Variants in KCNG2 observed in about 807,000 individuals in gnomAD.
KCNG2 encodes the protein potassium voltage-gated channel modifier subfamily G member 2, also known as voltage-gated potassium channel regulatory subunit KCNG2.
A neutral mutation model predicts 12.3 loss-of-function variants in KCNG2; 7 were observed. The ratio of observed to expected loss-of-function variants is 0.57; its 90% CI spans 0.32 to 1.07. The LOEUF (loss-of-function observed/expected upper bound fraction) is 1.07. Ranked by LOEUF, KCNG2 falls within the 50% of genes least tolerant of loss-of-function variation. The pLI is 0.04. For missense variants in KCNG2, 703 were observed against 726.0 expected (o/e 0.97, Z 0.36); for synonymous variants, 414 against 351.4 (o/e 1.18, Z -1.99).
intron 1 of KCNG2, among the ~76,000 whole-genome samples, chr18:79,839,948 A>G (rs1978410386): frequency 2.0e-5 from 3 of 152,232 alleles, no homozygotes; most frequent in African/African-American, 7.2e-5. Context: ...TTCTCAGAAT[A>G]TAGGAATCAA....
intron 3 of KCNG2, among the ~76,000 whole-genome samples, chr18:79,865,266 TGAGGTCTGTGTGCTGA>T (rs1568261893): frequency 4.1e-5 from 5 of 121,564 alleles, no homozygotes; most frequent in Non-Finnish European, 6.7e-5. Flanking sequence ...GTCTGGGTGC[TGAGGTCTGTGTGCTGA>T]GAGGTCTGTG....
chr18:79,826,575 G>A (rs547056959), intron 1 of KCNG2, among the ~76,000 whole-genome samples: 3 of 134,310 alleles, frequency 2.2e-5, no homozygotes, highest in Admixed American at 7.8e-5. Context: ...GGAAGGTTAA[G>A]TTCGGCGCGT....
intron 1 of KCNG2, among the ~76,000 whole-genome samples, chr18:79,804,970 G>A (rs1195608712): frequency 6.6e-6 from 1 of 152,132 alleles, no homozygotes; most frequent in Non-Finnish European, 1.5e-5. Flanking sequence ...ACACATACGG[G>A]TGAAGGCTCT....
intron 3 of KCNG2, among the ~76,000 whole-genome samples, chr18:79,868,192 C>A (rs1319969967): frequency 6.6e-6 from 1 of 152,242 alleles, no homozygotes; most frequent in Non-Finnish European, 1.5e-5. Context: ...CAGCCCTAAC[C>A]CTTACTGTGG....
intron 3 of KCNG2, among the ~76,000 whole-genome samples, chr18:79,879,896 G>C (rs1256781042): frequency 1.3e-5 from 2 of 152,192 alleles, no homozygotes; most frequent in Non-Finnish European, 2.9e-5. Context: ...ACAGGAAGGG[G>C]CCCCCTGGGT....
intron 3 of KCNG2, among the ~76,000 whole-genome samples, chr18:79,873,371 G>A (rs1343660130): frequency 1.4e-5 from 2 of 147,514 alleles, no homozygotes; most frequent in East Asian, 2.0e-4. Context: ...CCACACTCCC[G>A]TTCCCTCTGT....
intron 3 of KCNG2, among the ~76,000 whole-genome samples, chr18:79,894,384 T>C (rs12454338): frequency 0.025 from 3,464 of 140,018 alleles, no homozygotes; most frequent in Admixed American, 0.031. Flanking sequence ...GTTGGGTCTG[T>C]GTCTGCTTTT....
chr18:79,852,223 G>A (rs562418599), intron 1 of KCNG2, among the ~76,000 whole-genome samples: 1 of 152,312 alleles, frequency 6.6e-6, no homozygotes, highest in East Asian at 1.9e-4. Flanking sequence ...CTTGTTTCGG[G>A]GAAGCGCGCT....
intron 1 of KCNG2, among the ~76,000 whole-genome samples, chr18:79,847,659 TCTC>T (rs1978670440): frequency 1.3e-5 from 2 of 152,174 alleles, no homozygotes; most frequent in African/African-American, 4.8e-5. Context: ...CCCAGTGACT[TCTC>T]CTTATTGATT....
At chr18:79,863,287 G>C (rs1017857035) in intron 2 of KCNG2, among the ~76,000 whole-genome samples, 7 of 152,244 alleles carry the variant, frequency 4.6e-5, no homozygotes, top group African/African-American at 1.7e-4. Flanking sequence ...CCGGTCGGTG[G>C]GGTCCGCCCT....
At position 79,863,690 on chromosome 18, in the gene KCNG2, C is replaced by CA; in HGVS notation, c.23_24insA (p.Gly10ArgfsTer51). 4 of 1,181,850 alleles carry CA rather than the reference C, an allele frequency of 3.4e-6. No individual in the cohort carries two copies. Among genetic ancestry groups the CA allele is most frequent in the South Asian group, 4.2e-5 (1 of 23,722 alleles). The allele number at this position is 1,181,850 out of a possible 1,614,324, so 73.2% of individuals were successfully genotyped here. ...CGCATGGAGCCATGGCCCTGCTCCC[C>CA]GGGCGGCGGCGGCGGGACCCGCGCC... On this transcript the variant is annotated frameshift_variant, in exon 3 of 4. Transcript: ENST00000316249. LOFTEE classifies it high-confidence loss of function.
intron 2 of KCNG2, among the ~76,000 whole-genome samples, chr18:79,861,077 G>A (rs1164390596): frequency 2.0e-5 from 3 of 152,024 alleles, no homozygotes; most frequent in East Asian, 1.9e-4. Flanking sequence ...TGAAATTATC[G>A]CATGATTTTT....
At position 79,863,620 on chromosome 18, in the gene KCNG2, T is replaced by C; in HGVS notation, c.-40-8T>C. On this transcript the variant is annotated splice_region_variant and splice_polypyrimidine_tract_variant and intron_variant, in intron 2 of 3. Coordinates refer to ENST00000316249, the MANE Select transcript of KCNG2 (RefSeq NM_012283.2). ...TCGCGACCCTAACGCGGTCCGTTCC[T>C]TTTGCAGGAGCCGGGCAGGAGCCCC... 8.3e-7 allele frequency: 1 copy of C among 1,200,214 alleles called. No individual in the cohort carries two copies. The highest frequency in any genetic ancestry group is 1.0e-6 in the Non-Finnish European group (1 of 965,854). The allele number at this position is 1,200,214 out of a possible 1,614,324, so 74.3% of individuals were successfully genotyped here. A position where few individuals can be genotyped will look rare whatever the true frequency, so the allele number is the denominator to read the frequency against.
intron 1 of KCNG2, among the ~76,000 whole-genome samples, chr18:79,798,485 C>T (rs1484943678): frequency 1.3e-5 from 2 of 152,286 alleles, no homozygotes; most frequent in East Asian, 3.9e-4. Flanking sequence ...CCGGCTCGCG[C>T]GGAGAGCGGG....
intron 1 of KCNG2, among the ~76,000 whole-genome samples, chr18:79,829,090 CTA>C (rs1484419711): frequency 1.2e-5 from 1 of 82,692 alleles, no homozygotes; most frequent in Admixed American, 1.4e-4. Context: ...GTGTGGGTGT[CTA>C]TGTGTGCGTG....
intron 1 of KCNG2, among the ~76,000 whole-genome samples, chr18:79,806,149 A>G (rs556448760): frequency 6.6e-6 from 1 of 152,342 alleles, no homozygotes; most frequent in East Asian, 1.9e-4. Context: ...GTGGTCCCTC[A>G]TTCAAAGGGG....
chr18:79,866,525 A>AG (rs1979563374), intron 3 of KCNG2, among the ~76,000 whole-genome samples: 1 of 81,358 alleles, frequency 1.2e-5, no homozygotes, highest in African/African-American at 5.1e-5. Flanking sequence ...TGGGTGCTGA[A>AG]GTCTGGGTGC....
rs1326466064 is a variant in KCNG2 at position 79,800,873 on chromosome 18, AG to A, written c.-115+2861del. 1.3e-5 allele frequency among the ~76,000 whole-genome samples: 2 copies of A among 152,230 alleles called. No individual in the cohort carries two copies. The highest frequency in any genetic ancestry group is 2.9e-5 in the Non-Finnish European group (2 of 68,042). On this transcript the variant is annotated intron_variant, in intron 1 of 3. Transcript: ENST00000316249. The surrounding 1 kb of genome is among the most constrained non-coding windows in gnomAD (Gnocchi z 4.0). ...GTCAAAATGGGTCCCCGGCGGGGCC[AG>A]GAGAACACCCAGACTCATGGAATTG...
intron 1 of KCNG2, among the ~76,000 whole-genome samples, chr18:79,835,340 C>T (rs1036508432): frequency 2.6e-5 from 4 of 152,216 alleles, no homozygotes; most frequent in African/African-American, 9.7e-5. Context: ...AGTCAACGGC[C>T]ATTGACACCA....
Sources: allele counts gnomAD v4.1 joint callset (sites outside exome capture counted in the v4.1 genomes callset), GRCh38; gene constraint gnomAD v4.1.1; non-coding constraint Gnocchi (gnomAD v3.1); transcripts MANE v1.5; gene names NCBI Gene and HGNC (gene_info 2026-07-23, HGNC 2026-07-21).